The following NLRP13 variants were observed in gnomAD, a reference collection of about 807,000 sequenced individuals.
The protein encoded by NLRP13 is NLR family pyrin domain containing 13, also known as NACHT, LRR and PYD domains-containing protein 13.
In NLRP13, 82 loss-of-function variants were observed where a neutral mutation model predicts 94.4. The observed-to-expected ratio is 0.87, with a 90% CI of 0.73 to 1.04. NLRP13 has a LOEUF of 1.04. NLRP13 is among the 50% of genes least tolerant of loss of function. The pLI is 0.00. For synonymous variants in NLRP13, 553 were observed against 464.7 expected, an observed-to-expected ratio of 1.19 and a Z score of -2.45; for missense variants, 1,426 against 1,230.8, an observed-to-expected ratio of 1.16 and a Z score of -2.37.
intron 9 of NLRP13, among the ~76,000 whole-genome samples, chr19:55,901,214 G>A (rs1181091709): frequency 6.6e-6 from 1 of 152,226 alleles, no homozygotes; most frequent in Non-Finnish European, 1.5e-5. Flanking sequence ...CCTCTGCACA[G>A]AGGAGTGCTT....
downstream of NLRP13, among the ~76,000 whole-genome samples, chr19:55,895,123 G>C (rs903433790): frequency 1.3e-5 from 2 of 148,654 alleles, no homozygotes; most frequent in African/African-American, 2.5e-5. Context: ...CAGGAGCAGT[G>C]GCTCACGCCT....
intron 1 of NLRP13, among the ~76,000 whole-genome samples, chr19:55,926,505 C>G (rs1020823187): frequency 1.3e-5 from 2 of 152,150 alleles, no homozygotes; most frequent in African/African-American, 4.8e-5. Flanking sequence ...GTTTTAAATG[C>G]CAGAGGAGCA....
rs542067756 is a variant in NLRP13, at chr19:55,899,395, G to A, written c.2790-458C>T. Among the ~76,000 whole-genome samples the A allele has an allele frequency of 2.0e-5, 3 of 152,238 alleles. No individual in the cohort carries two copies. In the South Asian group the frequency reaches 6.2e-4, roughly 32 times the overall value. On this transcript the variant is annotated intron_variant, in intron 9 of 10. Transcript: ENST00000342929. ...CCAGGTGACTATTTGGAGAAAATAT[G>A]GGTTGAGGTGGGGAGGGATGAGGAG...
Position 55,911,873 on chromosome 19 carries a change from T to C in NLRP13, c.1944A>G (p.Glu648=). 1.2e-6 allele frequency: 2 copies of C among 1,614,214 alleles called. No homozygotes were observed. Among genetic ancestry groups the C allele is most frequent in the East Asian group, 2.2e-5 (1 of 44,888 alleles). ...GACCCAACATCTTCTTTGTGAAGTC[T>C]TCCTCCTGGGACTCGTGTAGGCAGT... ...LFHCLHESQE[E]DFTKKMLGRI... Residue 648 remains glutamate, a synonymous_variant, in exon 5 of 11, where the codon GAA becomes GAG. Transcript: ENST00000342929.
rs1481787302 is a variant in NLRP13, at chr19:55,896,053, C to G, written c.3024G>C (p.Lys1008Asn). ...CTAGAAGGTTCAGATTGACCAGGCT[C>G]TTACTGCTGCTGAGAACAGAGAAGA... Reference protein sequence around the residue: ...QHLFSVLSSSKSLVNLNLLGN... With the variant: ...QHLFSVLSSSNSLVNLNLLGN... Residue 1008 changes from lysine (K) to asparagine (N), a missense_variant, in exon 11 of 11, where the codon AAG (lysine) becomes AAC (asparagine). Transcript: ENST00000342929. The G allele has an allele frequency of 6.2e-7, 1 of 1,614,206 alleles. No individual in the cohort carries two copies. Among genetic ancestry groups the G allele is most frequent in the Non-Finnish European group, 8.5e-7 (1 of 1,180,024 alleles).
At chr19:55,913,875 G>T (rs961185784) in intron 4 of NLRP13, among the ~76,000 whole-genome samples, 2 of 152,082 alleles carry the variant, frequency 1.3e-5, no homozygotes, top group Non-Finnish European at 2.9e-5. Context: ...ACACCTTCTA[G>T]CCAGTAGAGG....
At chr19:55,908,563 C>G (rs1986418594) in intron 6 of NLRP13, among the ~76,000 whole-genome samples, 1 of 148,320 alleles carries the variant, frequency 6.7e-6, no homozygotes, top group Non-Finnish European at 1.5e-5. Context: ...AAATGTGGCA[C>G]CTATACACCA....
intron 4 of NLRP13, among the ~76,000 whole-genome samples, chr19:55,918,383 C>CA (rs1986726912): frequency 6.6e-6 from 1 of 150,410 alleles, no homozygotes; most frequent in Non-Finnish European, 1.5e-5. Context: ...AGAAAAATAA[C>CA]AAATCAGAGC....
chr19:55,899,560 T>G (rs1405611963), intron 9 of NLRP13, among the ~76,000 whole-genome samples: 1 of 151,962 alleles, frequency 6.6e-6, no homozygotes, highest in African/African-American at 2.4e-5. Context: ...GGCGGGTGGA[T>G]CATGAGGTCA....
Position 55,918,910 on chromosome 19 carries a change from C to A in NLRP13, c.523+5004G>T, listed in dbSNP as rs933454785. On this transcript the variant is annotated intron_variant, in intron 4 of 10. Coordinates refer to ENST00000342929, the MANE Select transcript of NLRP13 (RefSeq NM_176810.2). ...GTATCATCCTGATGCCAAAGCTCAA[C>A]AAGGACACAAAAAGACAACTGCAGA... Among the ~76,000 whole-genome samples the A allele has an allele frequency of 5.3e-5, 8 of 151,812 alleles. 1 individual carries two copies. The highest frequency in any genetic ancestry group is 1.9e-4 in the East Asian group (1 of 5,184).
chr19:55,907,675 T>C, intron 7 of NLRP13, 117 bp downstream of exon 7: 1 of 962,256 alleles, frequency 1.0e-6, no homozygotes, highest in Non-Finnish European at 1.6e-6. Context: ...CCTTTGCTCA[T>C]CCTTCTCTGT....
At chr19:55,916,486 A>T (rs534820472) in intron 4 of NLRP13, among the ~76,000 whole-genome samples, 2 of 152,322 alleles carry the variant, frequency 1.3e-5, no homozygotes, top group East Asian at 3.9e-4. Context: ...AAATAAATTC[A>T]GGATATGAAT....
At chr19:55,892,608 AT>A (rs1417281555), downstream of NLRP13, among the ~76,000 whole-genome samples, 7 of 151,982 alleles carry the variant, frequency 4.6e-5, no homozygotes, top group Non-Finnish European at 8.8e-5. Flanking sequence ...TTTAGTAGAG[AT>A]GGGGTTTCAC....
At chr19:55,926,422 TG>T (rs1300969032) in intron 1 of NLRP13, among the ~76,000 whole-genome samples, 30 of 152,238 alleles carry the variant, frequency 2.0e-4, no homozygotes, top group Non-Finnish European at 4.4e-5. Flanking sequence ...AGCGGGCATA[TG>T]GAAGTTCCAC....
chr19:55,895,986 C>G lies in NLRP13; in HGVS notation c.3091G>C (p.Ala1031Pro), dbSNP rs139042513. The G allele has an allele frequency of 9.9e-6, 16 of 1,614,026 alleles. No individual in the cohort carries two copies. The highest frequency in any genetic ancestry group is 1.4e-5 in the Non-Finnish European group (16 of 1,180,018). Residue 1031 changes from alanine to proline, a missense_variant, in exon 11 of 11, where the codon GCT (alanine) becomes CCT (proline). Coordinates refer to ENST00000342929, the MANE Select transcript of NLRP13 (RefSeq NM_176810.2). ...AGCCTGCATGTCGACTTTTTCAAAG[C>G]CTTACATAGCATCTTGACACCATCA... is the stretch of plus-strand genomic sequence containing the variant. ...DTDGVKMLCK[A>P]LKKSTCRLQK... is the part of the protein sequence containing the mutation.
chr19:55,905,125 C>G lies in NLRP13; in HGVS notation c.2448-13G>C. The G allele has an allele frequency of 1.9e-6, 3 of 1,612,908 alleles. No homozygotes were observed. Among genetic ancestry groups the G allele is most frequent in the South Asian group, 1.1e-5 (1 of 90,976 alleles). ...GCATTTCTCCAGGCTGTGGAAGGTG[C>G]AGGTGCAAGGTGAGCCTCAGCCATG... On this transcript the variant is annotated splice_polypyrimidine_tract_variant and intron_variant, in intron 7 of 10. Coordinates refer to ENST00000342929, the MANE Select transcript of NLRP13 (RefSeq NM_176810.2).
intron 4 of NLRP13, among the ~76,000 whole-genome samples, chr19:55,917,190 A>G (rs1986695273): frequency 6.6e-6 from 1 of 152,144 alleles, no homozygotes; most frequent in South Asian, 2.1e-4. Flanking sequence ...TCACTACTAG[A>G]CTTGTACTAC....
chr19:55,930,901 A>ATATATATATATATATATATATATATTT, intron 1 of NLRP13, among the ~76,000 whole-genome samples: 1 of 98,286 alleles, frequency 1.0e-5, no homozygotes, highest in Non-Finnish European at 1.9e-5. Context: ...TATATATAAA[A>ATATATATATATATATATATATATATTT]TTTTAACCAG....
At position 55,932,240 on chromosome 19, in the gene NLRP13, C is replaced by T; in HGVS notation, c.72G>A (p.Leu24=). ...TGAATTCCTCCAGCTGATACTGATC[C>T]AGGGCCATCAGGTAAGGCAGAAGCC... ...NQGLLPYLMA[L]DQYQLEEFKL... The change falls in exon 1 of 11, where the codon CTG becomes CTA. Residue 24 remains leucine, a synonymous_variant. Transcript: ENST00000342929. 1.2e-6 allele frequency: 2 copies of T among 1,613,088 alleles called. No individual in the cohort carries two copies. The highest frequency in any genetic ancestry group is 1.7e-6 in the Non-Finnish European group (2 of 1,179,702).
Sources: gnomAD v4.1 joint callset for allele counts (sites outside exome capture counted in the v4.1 genomes callset) on GRCh38, gnomAD v4.1.1 for gene constraint, MANE v1.5 for transcripts, NCBI Gene and HGNC (gene_info 2026-07-23, HGNC 2026-07-21) for gene names.